Variants in PLCB4 observed in about 807,000 individuals in gnomAD.
PLCB4 encodes phospholipase C beta 4, also known as 1-phosphatidylinositol 4,5-bisphosphate phosphodiesterase beta-4.
Under a neutral mutation model 178.8 loss-of-function variants are expected in PLCB4, and 77 were observed. The observed-to-expected ratio is 0.43, with a 90% confidence interval of 0.36 to 0.52. The LOEUF (loss-of-function observed/expected upper bound fraction) is 0.52. Ranked by LOEUF, PLCB4 falls within the 20% of genes least tolerant of loss-of-function variation. The probability of loss-of-function intolerance (pLI) is 0.00; values close to 1 mark genes in which losing one functional copy is unlikely to be tolerated. For missense variants in PLCB4, 1,024 were observed against 1,453.4 expected, an observed-to-expected ratio of 0.70 and a Z score of 4.80; for synonymous variants, 496 against 490.8, an observed-to-expected ratio of 1.01 and a Z score of -0.14.
chr20:9,096,920 A>C (rs1176607211), intron 2 of PLCB4, among the ~76,000 whole-genome samples: 1 of 151,844 alleles, frequency 6.6e-6, no homozygotes, highest in Non-Finnish European at 1.5e-5. Context: ...CTAGCTTAGG[A>C]GCCACTTTGG....
intron 1 of PLCB4, among the ~76,000 whole-genome samples, chr20:9,075,138 GTTAAA>G (rs1394638912): frequency 6.6e-6 from 1 of 152,168 alleles, no homozygotes; most frequent in Non-Finnish European, 1.5e-5. Flanking sequence ...GTTAGGAGAT[GTTAAA>G]TTAATCATCC....
intron 3 of PLCB4, among the ~76,000 whole-genome samples, chr20:9,307,014 G>A (rs2094775178): frequency 6.6e-6 from 1 of 152,084 alleles, no homozygotes; most frequent in Non-Finnish European, 1.5e-5. Flanking sequence ...AAGAAAATGG[G>A]GCAACAGGGA....
At chr20:9,435,011 C>G (rs2041674523) in intron 28 of PLCB4, among the ~76,000 whole-genome samples, 2 of 152,084 alleles carry the variant, frequency 1.3e-5, no homozygotes, top group African/African-American at 4.8e-5. Context: ...CAAGTTATAC[C>G]TGAGAAAACA....
At chr20:9,203,054 A>AT (rs1381757895) in intron 2 of PLCB4, among the ~76,000 whole-genome samples, 240 of 127,364 alleles carry the variant, frequency 1.9e-3, no homozygotes, top group African/African-American at 3.3e-3. Context: ...AAAAAAAAAA[A>AT]AAATATATAT....
At chr20:9,311,531 G>A (rs2094833965) in intron 4 of PLCB4, among the ~76,000 whole-genome samples, 2 of 152,094 alleles carry the variant, frequency 1.3e-5, no homozygotes, top group African/African-American at 4.8e-5. Flanking sequence ...CAAGATTCCT[G>A]TTCCTGTTTC....
intron 3 of PLCB4, among the ~76,000 whole-genome samples, chr20:9,270,703 G>C (rs2094394626): frequency 6.6e-6 from 1 of 151,898 alleles, no homozygotes; most frequent in Admixed American, 6.6e-5. Flanking sequence ...GTTTAATTAT[G>C]ATTCCTGGGT....
At chr20:9,280,844 CAT>C (rs1395972839) in intron 3 of PLCB4, among the ~76,000 whole-genome samples, 2 of 150,264 alleles carry the variant, frequency 1.3e-5, no homozygotes, top group African/African-American at 2.5e-5. Context: ...GTATGCCGAA[CAT>C]GTGTTCATAA....
rs572470389 is a variant in PLCB4, at chr20:9,391,100, C to CA, written c.1323+486dup. On this transcript the variant is annotated intron_variant, in intron 17 of 39. Coordinates refer to ENST00000378473, the MANE Select transcript of PLCB4 (RefSeq NM_001377142.1). ...TGTGGAAAGTGCCCTGGATTGATGT[C>CA]ACGACATCCTGAAGTTCATGTTCCT... Among the ~76,000 whole-genome samples the CA allele has an allele frequency of 2.0e-3, 303 of 152,266 alleles. 1 individual carries two copies. Among genetic ancestry groups the CA allele is most frequent in the African/African-American group, 7.1e-3 (294 of 41,546 alleles).
At chr20:9,251,765 C>G (rs1480018246) in intron 3 of PLCB4, among the ~76,000 whole-genome samples, 1 of 152,100 alleles carries the variant, frequency 6.6e-6, no homozygotes, top group Non-Finnish European at 1.5e-5. Flanking sequence ...TTGATCTTGA[C>G]CAATGTTGTT....
chr20:9,359,558 A>G (rs73246642), intron 7 of PLCB4, among the ~76,000 whole-genome samples: 4,360 of 152,284 alleles, frequency 0.029, 212 homozygotes, highest in African/African-American at 0.097. Context: ...TGATCCGAAC[A>G]TCAGAGCCGA....
chr20:9,141,294 G>C (rs2092485020), intron 2 of PLCB4, among the ~76,000 whole-genome samples: 1 of 152,170 alleles, frequency 6.6e-6, no homozygotes, highest in South Asian at 2.1e-4. Context: ...AGATTGGTTA[G>C]ATTACAGCTT....
At chr20:9,411,852 A>C (rs1373261450) in intron 25 of PLCB4, among the ~76,000 whole-genome samples, 1 of 152,176 alleles carries the variant, frequency 6.6e-6, no homozygotes, top group African/African-American at 2.4e-5. Context: ...CCAATGGAAA[A>C]CTATCCCGTC....
intron 7 of PLCB4, among the ~76,000 whole-genome samples, chr20:9,359,426 C>A (rs1044406962): frequency 1.3e-4 from 20 of 152,306 alleles, no homozygotes; most frequent in African/African-American, 3.6e-4. Flanking sequence ...GTCTTTCTTT[C>A]CCCCTTCTTC....
chr20:9,199,794 G>A (rs1259912914), intron 2 of PLCB4, among the ~76,000 whole-genome samples: 3 of 151,676 alleles, frequency 2.0e-5, no homozygotes, highest in East Asian at 1.9e-4. Context: ...TGCAGCATGC[G>A]AAATTTTTAA....
At chr20:9,125,873 A>G (rs977989594) in intron 2 of PLCB4, among the ~76,000 whole-genome samples, 2 of 152,168 alleles carry the variant, frequency 1.3e-5, no homozygotes, top group Non-Finnish European at 2.9e-5. Flanking sequence ...GGGACATGAC[A>G]GTGACCAGAA....
At chr20:9,177,746 A>G (rs1045583586) in intron 2 of PLCB4, among the ~76,000 whole-genome samples, 1 of 152,210 alleles carries the variant, frequency 6.6e-6, no homozygotes, top group Non-Finnish European at 1.5e-5. Context: ...AAATGAAAAT[A>G]TTCTAATGGA....
rs76908862 is a variant in PLCB4, at chr20:9,112,077, G to A, written c.-79+15735G>A. Among the ~76,000 whole-genome samples, 673 of 151,990 alleles carry A rather than the reference G, an allele frequency of 4.4e-3. 6 individuals carry two copies. Among genetic ancestry groups the A allele is most frequent in the African/African-American group, 0.015 (633 of 41,446 alleles). On this transcript the variant is annotated intron_variant, in intron 2 of 39. Coordinates refer to ENST00000378473, the MANE Select transcript of PLCB4 (RefSeq NM_001377142.1). The stretch of plus-strand genomic sequence containing the variant: ...TATTTTGGATAGTCCCTTTACCTGT[G>A]CTTTACTTTCATTATCACAAAAATA...
rs2038509305 is a variant in PLCB4 at position 9,395,546 on chromosome 20, A to C, written c.1438A>C (p.Met480Leu). Residue 480 changes from methionine to leucine, a missense_variant, in exon 19 of 40, where the codon ATG becomes CTG. Physicochemically the swap from Met to Leu is conservative, Grantham distance 15 (BLOSUM62 2). Transcript: ENST00000378473. ...EKKQLEALRS[M>L]MEAGESASPA... Reference sequence around the variant, plus strand: ...AGAACAGCTGGAAGCTTTGAGAAGCATGATGGAAGCTGGAGAATCTGCCTC... The same window carrying C: ...AGAACAGCTGGAAGCTTTGAGAAGCCTGATGGAAGCTGGAGAATCTGCCTC... 1 of 1,613,836 alleles carries C rather than the reference A, an allele frequency of 6.2e-7. No homozygotes were observed. Among genetic ancestry groups the C allele is most frequent in the South Asian group, 1.1e-5 (1 of 91,082 alleles).
At chr20:9,237,484 C>T (rs1317679035) in intron 3 of PLCB4, among the ~76,000 whole-genome samples, 3 of 152,202 alleles carry the variant, frequency 2.0e-5, no homozygotes, top group Non-Finnish European at 4.4e-5. Context: ...CAAGGACCAG[C>T]AGCATCACTG....
Sources: gnomAD v4.1 joint callset for allele counts (sites outside exome capture counted in the v4.1 genomes callset) on GRCh38, gnomAD v4.1.1 for gene constraint, MANE v1.5 for transcripts, NCBI Gene and HGNC (gene_info 2026-07-23, HGNC 2026-07-21) for gene names.